Variants in BBS12 observed in about 807,000 individuals in gnomAD.
BBS12 encodes the protein Bardet-Biedl syndrome 12, also known as chaperonin-containing T-complex member BBS12.
BBS12 carries 5 observed loss-of-function variants against 5.6 expected under a neutral mutation model. That is an observed-to-expected ratio of 0.89 (90% CI 0.46 to 1.86). The LOEUF is 1.86. Among genes scored for constraint, BBS12 ranks in the 40% most tolerant of loss-of-function variants. The pLI is 0.01. For synonymous variants in BBS12, 308 were observed against 306.8 expected, an observed-to-expected ratio of 1.00 and a Z score of -0.04; for missense variants, 748 against 830.4, an observed-to-expected ratio of 0.90 and a Z score of 1.22.
the BBS12 span, among the ~76,000 whole-genome samples, chr4:122,701,326 T>A: frequency 1.3e-5 from 2 of 152,194 alleles, no homozygotes; most frequent in Admixed American, 1.3e-4. Context: ...AATTATGACG[T>A]GATGAATCAT....
the BBS12 span, among the ~76,000 whole-genome samples, chr4:122,714,445 T>C: frequency 6.6e-6 from 1 of 152,046 alleles, no homozygotes; most frequent in Non-Finnish European, 1.5e-5. Flanking sequence ...GAAGACAAAA[T>C]ACAAAATACA....
the BBS12 span, among the ~76,000 whole-genome samples, chr4:122,719,511 A>G: frequency 0.44 from 66,257 of 151,838 alleles, 16,084 homozygotes; most frequent in East Asian, 0.65. Flanking sequence ...GAGGGTCTGC[A>G]GCTTCATTCC....
the BBS12 span, among the ~76,000 whole-genome samples, chr4:122,708,062 A>T: frequency 7.1e-6 from 1 of 140,102 alleles, no homozygotes; most frequent in African/African-American, 2.7e-5. Context: ...CCCAGGCTGG[A>T]GTACAGCGGG....
In BBS12 at chr4:122,740,893, T is replaced by A. The variant is rs1219721690; in HGVS notation, c.-10-990T>A. Among the ~76,000 whole-genome samples, 4 of 152,218 alleles carry A rather than the reference T, an allele frequency of 2.6e-5. No homozygotes were observed. In the East Asian group the frequency reaches 7.7e-4, roughly 29 times the overall value. On this transcript the variant is annotated intron_variant, in intron 1 of 1. Coordinates refer to ENST00000314218, the MANE Select transcript of BBS12 (RefSeq NM_152618.3). ...GACTATGAAATAGCTTCTATTATTA[T>A]CCCTGTTTTTTAGATGTGGAAATTA...
chr4:122,706,483 AG>A, the BBS12 span, among the ~76,000 whole-genome samples: 10 of 152,234 alleles, frequency 6.6e-5, no homozygotes, highest in Non-Finnish European at 1.0e-4. Flanking sequence ...AGAATTCCTA[AG>A]ACTCTTCTTG....
upstream of BBS12, chr4:122,732,228 T>G (rs1800706775): frequency 6.6e-6 from 1 of 152,222 alleles, no homozygotes; most frequent in Non-Finnish European, 1.5e-5. Context: ...AAAGATAAAT[T>G]ATATAACTGG....
the BBS12 span, among the ~76,000 whole-genome samples, chr4:122,704,614 T>A: frequency 6.6e-6 from 1 of 152,332 alleles, no homozygotes. Context: ...TTCACCATTT[T>A]CTCCGTTTTG....
At chr4:122,707,076 T>TTTC in the BBS12 span, among the ~76,000 whole-genome samples, 61 of 143,658 alleles carry the variant, frequency 4.2e-4, 1 homozygote, top group East Asian at 8.3e-3. Context: ...TTTTTTTTTT[T>TTTC]CAGAGAGAGA....
intron 1 of BBS12, among the ~76,000 whole-genome samples, 177 bp downstream of exon 1, chr4:122,733,061 A>G (rs1007931859): frequency 1.3e-5 from 2 of 152,074 alleles, no homozygotes; most frequent in African/African-American, 4.8e-5. Context: ...GGAAGAGGGG[A>G]CTGCCCTTTC....
chr4:122,707,687 C>A, the BBS12 span, among the ~76,000 whole-genome samples: 1 of 152,332 alleles, frequency 6.6e-6, no homozygotes, highest in African/African-American at 2.4e-5. Flanking sequence ...AGGCCAGTTG[C>A]ACAGGTGCTG....
chr4:122,718,171 C>T, the BBS12 span, among the ~76,000 whole-genome samples: 2 of 152,170 alleles, frequency 1.3e-5, no homozygotes, highest in African/African-American at 4.8e-5. Context: ...GATATTACTA[C>T]TTCATCAGAG....
the BBS12 span, among the ~76,000 whole-genome samples, chr4:122,716,643 ACG>A: frequency 0.028 from 2,085 of 74,904 alleles, 135 homozygotes; most frequent in Non-Finnish European, 0.04. Flanking sequence ...GTATATACAC[ACG>A]TGTGTGTATA....
the BBS12 span, among the ~76,000 whole-genome samples, chr4:122,709,871 G>A: frequency 6.6e-6 from 1 of 152,038 alleles, no homozygotes; most frequent in Non-Finnish European, 1.5e-5. Flanking sequence ...GGCCAGGCTG[G>A]TCTCGAACTC....
intron 1 of BBS12, among the ~76,000 whole-genome samples, chr4:122,736,762 G>GT (rs2150733220): frequency 6.6e-6 from 1 of 152,144 alleles, no homozygotes; most frequent in South Asian, 2.1e-4. Flanking sequence ...CCCCTTTGCT[G>GT]TTTTTGCCTT....
the BBS12 span, among the ~76,000 whole-genome samples, chr4:122,715,379 A>T: frequency 1.9e-4 from 29 of 151,868 alleles, no homozygotes; most frequent in African/African-American, 6.8e-4. Flanking sequence ...TTCACTTAAA[A>T]TCCTGCTTTG....
At chr4:122,734,748 T>C (rs1800760304) in intron 1 of BBS12, among the ~76,000 whole-genome samples, 1 of 152,230 alleles carries the variant, frequency 6.6e-6, no homozygotes, top group South Asian at 2.1e-4. Context: ...TTTAGGCTTT[T>C]ATATTTGGAA....
chr4:122,720,887 T>TAAA, the BBS12 span, among the ~76,000 whole-genome samples: 23 of 139,324 alleles, frequency 1.7e-4, no homozygotes, highest in African/African-American at 4.9e-4. Context: ...TCACTCAGAA[T>TAAA]AAAAAAAAAA....
At chr4:122,739,729 A>G (rs977985746) in intron 1 of BBS12, among the ~76,000 whole-genome samples, 1 of 152,120 alleles carries the variant, frequency 6.6e-6, no homozygotes, top group Non-Finnish European at 1.5e-5. Flanking sequence ...CTCATTAACT[A>G]TTTGTTGGGT....
the BBS12 span, among the ~76,000 whole-genome samples, chr4:122,716,598 T>C: frequency 2.6e-3 from 254 of 96,794 alleles, 1 homozygote; most frequent in African/African-American, 9.1e-3. Flanking sequence ...CATATGTATG[T>C]ATACACACAT....
Sources: gnomAD v4.1 joint callset for allele counts (sites outside exome capture counted in the v4.1 genomes callset) on GRCh38, gnomAD v4.1.1 for gene constraint, MANE v1.5 for transcripts, NCBI Gene and HGNC (gene_info 2026-07-23, HGNC 2026-07-21) for gene names.